Variants in MCF2 observed in about 807,000 individuals in gnomAD.
MCF2 encodes proto-oncogene DBL.
A neutral mutation model predicts 82.5 loss-of-function variants in MCF2; 44 were observed. The ratio of observed to expected loss-of-function variants is 0.53; its 90% CI spans 0.42 to 0.69. The LOEUF (loss-of-function observed/expected upper bound fraction) is 0.69. MCF2 is among the 30% of genes least tolerant of loss of function. The pLI is 0.00. For synonymous variants in MCF2, 217 were observed against 224.9 expected (o/e 0.96, Z 0.32); for missense variants, 623 against 663.1 (o/e 0.94, Z 0.66).
At chrX:139,681,079 T>C (rs1483235372) in intron 1 of MCF2, among the ~76,000 whole-genome samples, 1 of 112,440 alleles carries the variant, frequency 8.9e-6, no homozygotes, top group Non-Finnish European at 1.9e-5. Context: ...TTCCTTCTAA[T>C]TGCCATCAAA....
At chrX:139,645,033 T>C (rs754804007), upstream of MCF2, among the ~76,000 whole-genome samples, 1 of 110,950 alleles carries the variant, frequency 9.0e-6, no homozygotes, top group Non-Finnish European at 1.9e-5. Context: ...TGTTTCTCTC[T>C]CTGGGTCTTG....
chrX:139,653,870 C>T (rs1191756331), intron 1 of MCF2, among the ~76,000 whole-genome samples: 1 of 110,748 alleles, frequency 9.0e-6, no homozygotes, highest in Non-Finnish European at 1.9e-5. Context: ...TTTTAGCTCT[C>T]ACATATTAGT....
chrX:139,632,237 C>T, intron 2 of MCF2, 98 bp downstream of exon 5: 5 of 667,774 alleles, frequency 7.5e-6, no homozygotes, highest in South Asian at 6.5e-5. Flanking sequence ...TAATTTTTTT[C>T]TTTTAAATGA....
At chrX:139,671,829 A>C (rs1934705460) in intron 1 of MCF2, among the ~76,000 whole-genome samples, 1 of 111,886 alleles carries the variant, frequency 8.9e-6, no homozygotes, top group African/African-American at 3.3e-5. Flanking sequence ...ACTTTAAAGT[A>C]GTTTTTTCCA....
chrX:139,656,317 C>T (rs1934198733), intron 1 of MCF2, among the ~76,000 whole-genome samples: 1 of 111,917 alleles, frequency 8.9e-6, no homozygotes, highest in Non-Finnish European at 1.9e-5. Context: ...CCGCCTCGGC[C>T]TCCCAAAGTG....
upstream of MCF2, among the ~76,000 whole-genome samples, chrX:139,647,763 G>A (rs1324372162): frequency 9.0e-6 from 1 of 111,674 alleles, no homozygotes. Context: ...CAGCCCAATA[G>A]CCCTCTATGC....
At position 139,692,935 on chromosome X, in the gene MCF2, G is replaced by T. The variant is rs150509612; in HGVS notation, c.-45+15171C>A. Among the ~76,000 whole-genome samples the T allele has an allele frequency of 4.5e-3, 503 of 112,532 alleles. 2 individuals carry two copies. The highest frequency in any genetic ancestry group is 0.016 in the African/African-American group (484 of 30,998). ...TCCCAAACGCCAAGCCTCCTGTATA[G>T]ACACTTGAGCTGCCATCTGCCATGG... On this transcript the variant is annotated intron_variant, in intron 1 of 27. Transcript: ENST00000414978.
intron 1 of MCF2, among the ~76,000 whole-genome samples, chrX:139,680,746 T>C (rs1189410901): frequency 1.8e-5 from 2 of 112,565 alleles, no homozygotes; most frequent in African/African-American, 6.4e-5. Context: ...AATATCCATG[T>C]AGACGTGACT....
intron 1 of MCF2, among the ~76,000 whole-genome samples, chrX:139,640,045 G>C (rs978185326): frequency 9.0e-6 from 1 of 111,097 alleles, no homozygotes; most frequent in East Asian, 2.9e-4. Context: ...AGCAGCGGTA[G>C]TACGGCCTAT....
At chrX:139,584,612 T>C (rs1367025700) in intron 24 of MCF2, among the ~76,000 whole-genome samples, 1 of 112,206 alleles carries the variant, frequency 8.9e-6, no homozygotes, top group African/African-American at 3.2e-5. Flanking sequence ...ATCATTAGTG[T>C]ATTTTTGAGA....
intron 10 of MCF2, among the ~76,000 whole-genome samples, chrX:139,612,964 A>T (rs1931610790): frequency 8.9e-6 from 1 of 111,906 alleles, no homozygotes; most frequent in Non-Finnish European, 1.9e-5. Context: ...GTTTTTCTTT[A>T]TTCTTTTTGC....
At chrX:139,607,442 C>T (rs17331519) in intron 12 of MCF2, 7,278 of 206,481 alleles carry the variant, frequency 0.035, 115 homozygotes, top group Middle Eastern at 0.043. Context: ...GAATGATAAA[C>T]GAAAACCTCC....
chrX:139,625,106 T>C (rs1245789624), intron 6 of MCF2, among the ~76,000 whole-genome samples: 1 of 111,382 alleles, frequency 9.0e-6, no homozygotes, highest in Admixed American at 9.6e-5. Context: ...CATACAGAAC[T>C]TGTCGACATG....
chrX:139,633,220 T>G (rs758737520), intron 1 of MCF2, among the ~76,000 whole-genome samples: 1 of 111,428 alleles, frequency 9.0e-6, no homozygotes, highest in East Asian at 2.8e-4. Flanking sequence ...CGTCTAGAAC[T>G]TGCTGGCACA....
At chrX:139,643,128 A>C (rs1232881244), upstream of MCF2, among the ~76,000 whole-genome samples, 1 of 111,880 alleles carries the variant, frequency 8.9e-6, no homozygotes, top group African/African-American at 3.2e-5. Context: ...GAACATGCAA[A>C]CTTTCTAAGA....
upstream of MCF2, chrX:139,646,892 T>C (rs756742355): frequency 4.4e-6 from 5 of 1,134,788 alleles, no homozygotes; most frequent in Admixed American, 1.2e-4. Flanking sequence ...GCATTGTCCT[T>C]TCCCCGGCCA....
chrX:139,584,969 C>A, intron 24 of MCF2, 97 bp downstream of exon 28: 1 of 521,728 alleles, frequency 1.9e-6, no homozygotes, highest in Non-Finnish European at 3.1e-6. Flanking sequence ...TCCTAATGGC[C>A]TCAAGGATGC....
At chrX:139,690,516 T>C (rs1311156001) in intron 1 of MCF2, among the ~76,000 whole-genome samples, 1 of 110,199 alleles carries the variant, frequency 9.1e-6, no homozygotes, top group Non-Finnish European at 1.9e-5. Flanking sequence ...CATCACCACA[T>C]TGCCCTTAAT....
chrX:139,582,839 C>T (rs1265631458), intron 24 of MCF2, among the ~76,000 whole-genome samples: 2 of 111,941 alleles, frequency 1.8e-5, no homozygotes, highest in Non-Finnish European at 3.8e-5. Flanking sequence ...CTACAGCAAA[C>T]GGTTAAACAC....
Sources: allele counts gnomAD v4.1 joint callset (sites outside exome capture counted in the v4.1 genomes callset), GRCh38; gene constraint gnomAD v4.1.1; transcripts MANE v1.5; gene names NCBI Gene and HGNC (gene_info 2026-07-23, HGNC 2026-07-21).